Variants in SHISA9 observed in about 807,000 individuals in gnomAD.
SHISA9 encodes shisa family member 9, also known as protein shisa-9.
In SHISA9, 13 loss-of-function variants were observed where a neutral mutation model predicts 38.0. That is an observed-to-expected ratio of 0.34 (90% confidence interval 0.22 to 0.54). The LOEUF (loss-of-function observed/expected upper bound fraction) is 0.54, where lower values mean the gene tolerates loss of function less well. SHISA9 is among the 20% of genes least tolerant of loss of function. The pLI is 0.91. For synonymous variants in SHISA9, 275 were observed against 242.0 expected, an observed-to-expected ratio of 1.14 and a Z score of -1.27; for missense variants, 538 against 575.8, an observed-to-expected ratio of 0.93 and a Z score of 0.67.
chr16:13,177,650 C>T (rs1025504506), intron 2 of SHISA9, among the ~76,000 whole-genome samples: 2 of 151,242 alleles, frequency 1.3e-5, no homozygotes, highest in African/African-American at 2.4e-5. Context: ...ACTAGGTTCA[C>T]GGTGTTTTTG....
chr16:13,112,367 A>G (rs577212509), intron 2 of SHISA9, among the ~76,000 whole-genome samples: 30 of 152,248 alleles, frequency 2.0e-4, no homozygotes, highest in African/African-American at 7.0e-4. Context: ...GTGAAGAAGA[A>G]GGGAAAGAGG....
At chr16:13,400,101 T>C in the SHISA9 span, among the ~76,000 whole-genome samples, 1 of 152,174 alleles carries the variant, frequency 6.6e-6, no homozygotes, top group South Asian at 2.1e-4. Context: ...GAAACATTGT[T>C]GGCCCTCACG....
the SHISA9 span, among the ~76,000 whole-genome samples, chr16:13,289,010 G>A: frequency 6.6e-6 from 1 of 152,162 alleles, no homozygotes; most frequent in Non-Finnish European, 1.5e-5. Context: ...TCTGTCCACA[G>A]CAGTTGGTAT....
At chr16:12,926,829 C>T (rs1219849007) in intron 2 of SHISA9, among the ~76,000 whole-genome samples, 1 of 152,134 alleles carries the variant, frequency 6.6e-6, no homozygotes, top group Non-Finnish European at 1.5e-5. Flanking sequence ...ACTGACTTTG[C>T]CCACCGCTGA....
the SHISA9 span, among the ~76,000 whole-genome samples, chr16:13,469,371 AAGAAAGAAAGAAAG>A: frequency 5.3e-3 from 464 of 88,000 alleles, 2 homozygotes; most frequent in East Asian, 0.056. Flanking sequence ...AAGAAAAAGA[AAGAAAGAAAGAAAG>A]AAAGAAAGAA....
chr16:13,303,194 T>C, the SHISA9 span, among the ~76,000 whole-genome samples: 8 of 152,152 alleles, frequency 5.3e-5, no homozygotes, highest in South Asian at 6.2e-4. Flanking sequence ...AAGTCAAACA[T>C]AGAGAACTAG....
chr16:13,379,459 C>T, the SHISA9 span, among the ~76,000 whole-genome samples: 1 of 152,180 alleles, frequency 6.6e-6, no homozygotes, highest in Non-Finnish European at 1.5e-5. Context: ...CCCGCCACTT[C>T]CCTCCTCCTG....
the SHISA9 span, among the ~76,000 whole-genome samples, chr16:13,538,170 T>C: frequency 6.6e-6 from 1 of 152,156 alleles, no homozygotes; most frequent in African/African-American, 2.4e-5. Flanking sequence ...CTGGGGTGGC[T>C]TTAGCATGGG....
At chr16:13,134,808 G>A (rs1596671963) in intron 2 of SHISA9, among the ~76,000 whole-genome samples, 1 of 152,204 alleles carries the variant, frequency 6.6e-6, no homozygotes, top group Admixed American at 6.5e-5. Flanking sequence ...ATATGTCATC[G>A]TCCAATGTAT....
At chr16:13,108,054 A>T (rs2073943701) in intron 2 of SHISA9, among the ~76,000 whole-genome samples, 1 of 152,116 alleles carries the variant, frequency 6.6e-6, no homozygotes, top group Non-Finnish European at 1.5e-5. Context: ...GCTGAGAAAT[A>T]AGAAATTTTG....
chr16:13,333,426 T>C, the SHISA9 span, among the ~76,000 whole-genome samples: 1 of 152,110 alleles, frequency 6.6e-6, no homozygotes, highest in Non-Finnish European at 1.5e-5. Flanking sequence ...TTGACTGAGA[T>C]GTGTATGGAT....
chr16:13,124,014 C>T (rs1394332822), intron 2 of SHISA9, among the ~76,000 whole-genome samples: 2 of 152,222 alleles, frequency 1.3e-5, no homozygotes, highest in Non-Finnish European at 2.9e-5. Flanking sequence ...TCGTATCCTG[C>T]AGCTGGGAAT....
chr16:13,322,664 C>T, the SHISA9 span, among the ~76,000 whole-genome samples: 7 of 152,180 alleles, frequency 4.6e-5, no homozygotes, highest in East Asian at 1.9e-4. Context: ...TCTGCAGATG[C>T]GCTTCCCTCA....
chr16:13,022,659 G>T (rs956229262), intron 2 of SHISA9, among the ~76,000 whole-genome samples: 1 of 152,028 alleles, frequency 6.6e-6, no homozygotes, highest in Non-Finnish European at 1.5e-5. Context: ...AGATATGGGG[G>T]TCTCACTCTG....
intron 2 of SHISA9, among the ~76,000 whole-genome samples, chr16:13,070,228 A>AT (rs986615786): frequency 7.3e-5 from 11 of 149,686 alleles, no homozygotes; most frequent in Admixed American, 4.0e-4. Flanking sequence ...ATCCTTTTCC[A>AT]TTTTTTCTCC....
At chr16:13,417,471 G>C in the SHISA9 span, among the ~76,000 whole-genome samples, 1 of 152,204 alleles carries the variant, frequency 6.6e-6, no homozygotes, top group East Asian at 1.9e-4. Context: ...TGAGAAGCAA[G>C]GCTGGGAACC....
intron 4 of SHISA9, among the ~76,000 whole-genome samples, chr16:13,216,495 T>A (rs2051170582): frequency 6.6e-6 from 1 of 152,358 alleles, no homozygotes; most frequent in South Asian, 2.1e-4. Context: ...CTGAAAAGCC[T>A]TGTGGTAATA....
At chr16:12,990,463 A>G (rs943287752) in intron 2 of SHISA9, among the ~76,000 whole-genome samples, 1 of 152,192 alleles carries the variant, frequency 6.6e-6, no homozygotes, top group Non-Finnish European at 1.5e-5. Context: ...TGACTTTTCA[A>G]TAATCACCAT....
At chr16:13,143,426 A>G (rs2050420075) in intron 2 of SHISA9, among the ~76,000 whole-genome samples, 1 of 152,190 alleles carries the variant, frequency 6.6e-6, no homozygotes, top group Admixed American at 6.5e-5. Flanking sequence ...GCCATCCAGG[A>G]AGGAAGCAGT....
Sources: gnomAD v4.1 joint callset for allele counts (sites outside exome capture counted in the v4.1 genomes callset) on GRCh38, gnomAD v4.1.1 for gene constraint, MANE v1.5 for transcripts, NCBI Gene and HGNC (gene_info 2026-07-23, HGNC 2026-07-21) for gene names.